ZBTB20: variants seen among roughly 807,000 people sequenced by gnomAD.
ZBTB20 encodes the protein zinc finger and BTB domain-containing protein 20.
In ZBTB20, 9 loss-of-function variants were observed where a neutral mutation model predicts 56.9. The ratio of observed to expected loss-of-function variants is 0.16; its 90% CI spans 0.10 to 0.28. ZBTB20 has a LOEUF of 0.28. Among genes scored for constraint, ZBTB20 ranks in the 10% least tolerant of loss-of-function variants. The probability of loss-of-function intolerance (pLI) is 1.00; values close to 1 mark genes in which losing one functional copy is unlikely to be tolerated. For synonymous variants in ZBTB20, 417 were observed against 420.7 expected (o/e 0.99, Z 0.11); for missense variants, 655 against 1,003.0 (o/e 0.65, Z 4.69).
At chr3:114,660,670 C>A (rs1231764188) in intron 6 of ZBTB20, among the ~76,000 whole-genome samples, 3 of 152,118 alleles carry the variant, frequency 2.0e-5, no homozygotes, top group Admixed American at 2.0e-4. Context: ...TAACCACCCC[C>A]TGGATAACAG....
intron 4 of ZBTB20, among the ~76,000 whole-genome samples, chr3:114,847,456 A>G (rs1468871355): frequency 6.6e-6 from 1 of 152,038 alleles, no homozygotes; most frequent in Non-Finnish European, 1.5e-5. Flanking sequence ...AGGGTGGGGG[A>G]TGAAGAGGGT....
chr3:114,991,856 T>C (rs1489231133), intron 2 of ZBTB20, among the ~76,000 whole-genome samples: 3 of 152,168 alleles, frequency 2.0e-5, no homozygotes, highest in Admixed American at 6.5e-5. Flanking sequence ...TACCATCATG[T>C]AATGGCCTTC....
At position 115,114,929 on chromosome 3, in the gene ZBTB20, C is replaced by T. The variant is rs1200507048; in HGVS notation, c.-703+32290G>A. 2.6e-5 allele frequency among the ~76,000 whole-genome samples: 4 copies of T among 152,128 alleles called. No individual in the cohort carries two copies. In the East Asian group the frequency reaches 5.8e-4, roughly 22 times the overall value. ...CTTGTCATTCTGTAAAAGAAAAATG[C>T]ATAACTGCCATAAATTTCTTATTAC... is the stretch of plus-strand genomic sequence containing the variant. On this transcript the variant is annotated intron_variant, in intron 1 of 11. Transcript: ENST00000675478.
intron 5 of ZBTB20, chr3:114,759,217 A>G (rs2068258928): frequency 6.6e-6 from 1 of 152,136 alleles, no homozygotes; most frequent in Non-Finnish European, 1.5e-5. Flanking sequence ...TTTAATTAAT[A>G]ATTCCTCACA....
intron 1 of ZBTB20, among the ~76,000 whole-genome samples, chr3:115,085,083 C>T (rs923702761): frequency 6.6e-6 from 1 of 151,904 alleles, no homozygotes; most frequent in Non-Finnish European, 1.5e-5. Context: ...TCCAGATTGC[C>T]CTCCAATCGG....
chr3:114,911,289 C>G (rs1225872170), intron 3 of ZBTB20, among the ~76,000 whole-genome samples: 1 of 151,876 alleles, frequency 6.6e-6, no homozygotes, highest in East Asian at 1.9e-4. Context: ...CTCCAACATC[C>G]TGTATCAAAA....
intron 3 of ZBTB20, among the ~76,000 whole-genome samples, chr3:114,956,805 G>C (rs553830159): frequency 1.3e-5 from 2 of 152,066 alleles, no homozygotes; most frequent in African/African-American, 2.4e-5. Context: ...AATCATTATC[G>C]AACAGCTTAG....
intron 6 of ZBTB20, among the ~76,000 whole-genome samples, chr3:114,648,271 T>C (rs1039928864): frequency 1.3e-5 from 2 of 151,988 alleles, no homozygotes; most frequent in South Asian, 2.1e-4. Flanking sequence ...AAACATGTTA[T>C]ACATAATAAT....
rs61046386 is a variant in ZBTB20 at position 115,068,586 on chromosome 3, C to T, written c.-507+2633G>A. 9.8e-3 allele frequency among the ~76,000 whole-genome samples: 1,494 copies of T among 151,982 alleles called. 29 individuals are homozygous for T. The highest frequency in any genetic ancestry group is 0.034 in the African/African-American group (1,425 of 41,476). ...GAAATTCCAATGCCATGATAAGGCA[C>T]GATATAGAATGATTGTATTTCTTTT... is the stretch of plus-strand genomic sequence containing the variant. On this transcript the variant is annotated intron_variant, in intron 2 of 11. Transcript: ENST00000675478.
intron 2 of ZBTB20, among the ~76,000 whole-genome samples, chr3:114,982,609 C>A (rs2078374313): frequency 2.0e-5 from 3 of 151,950 alleles, no homozygotes; most frequent in Non-Finnish European, 4.4e-5. Flanking sequence ...TTGAATTACT[C>A]CCTAAAATAA....
At chr3:114,471,763 T>C (rs771091887) in intron 7 of ZBTB20, among the ~76,000 whole-genome samples, 1 of 152,222 alleles carries the variant, frequency 6.6e-6, no homozygotes, top group Non-Finnish European at 1.5e-5. Flanking sequence ...TCTCGCTTCA[T>C]GTGTCATTAA....
chr3:114,850,948 C>A (rs2074971009), intron 4 of ZBTB20, among the ~76,000 whole-genome samples: 1 of 152,130 alleles, frequency 6.6e-6, no homozygotes, highest in African/African-American at 2.4e-5. Context: ...AATAAAGCCA[C>A]AAAGCAATGG....
At chr3:114,682,728 T>C (rs912197244) in intron 6 of ZBTB20, among the ~76,000 whole-genome samples, 4 of 152,200 alleles carry the variant, frequency 2.6e-5, no homozygotes, top group Non-Finnish European at 5.9e-5. Flanking sequence ...AAACCAATAA[T>C]ATATGTGATA....
intron 2 of ZBTB20, among the ~76,000 whole-genome samples, chr3:114,987,327 C>T (rs1045974379): frequency 3.9e-5 from 6 of 152,004 alleles, no homozygotes; most frequent in Non-Finnish European, 8.8e-5. Flanking sequence ...AATGCTTGAC[C>T]TTCCCAGGTA....
chr3:114,413,851 T>C (rs975273462), intron 7 of ZBTB20, among the ~76,000 whole-genome samples: 14 of 152,222 alleles, frequency 9.2e-5, no homozygotes, highest in African/African-American at 3.4e-4. Flanking sequence ...AAATGGCAGA[T>C]TTGGGATTTG....
intron 7 of ZBTB20, among the ~76,000 whole-genome samples, chr3:114,433,539 T>C (rs1412498904): frequency 6.6e-6 from 1 of 152,162 alleles, no homozygotes; most frequent in African/African-American, 2.4e-5. Context: ...TCAGAAAAGG[T>C]AATTTCTTTC....
chr3:115,115,240 G>A (rs1240283670), intron 1 of ZBTB20, among the ~76,000 whole-genome samples: 1 of 152,034 alleles, frequency 6.6e-6, no homozygotes, highest in African/African-American at 2.4e-5. Flanking sequence ...TTCATGTGTA[G>A]AAGTAGTTCT....
At chr3:115,126,645 T>C (rs2084341676) in intron 1 of ZBTB20, among the ~76,000 whole-genome samples, 1 of 152,180 alleles carries the variant, frequency 6.6e-6, no homozygotes. Flanking sequence ...GAGCTACAGC[T>C]AATAAGTTAA....
intron 1 of ZBTB20, among the ~76,000 whole-genome samples, chr3:115,139,026 T>G (rs2084735061): frequency 6.6e-6 from 1 of 152,058 alleles, no homozygotes; most frequent in Non-Finnish European, 1.5e-5. Flanking sequence ...CATACCACCT[T>G]TTGGGTCCAA....
Sources: gnomAD v4.1 joint callset for allele counts (sites outside exome capture counted in the v4.1 genomes callset) on GRCh38, gnomAD v4.1.1 for gene constraint, MANE v1.5 for transcripts, NCBI Gene and HGNC (gene_info 2026-07-23, HGNC 2026-07-21) for gene names.